Variants in CACNA2D3 observed in about 807,000 individuals in gnomAD.
CACNA2D3 encodes voltage-dependent calcium channel subunit alpha-2/delta-3.
A neutral mutation model predicts 160.6 loss-of-function variants in CACNA2D3; 60 were observed. The ratio of observed to expected loss-of-function variants is 0.37; its 90% confidence interval spans 0.30 to 0.46. The LOEUF (loss-of-function observed/expected upper bound fraction) is 0.46. Ranked by LOEUF, CACNA2D3 falls within the 20% of genes least tolerant of loss-of-function variation. The pLI is 1.00. For synonymous variants in CACNA2D3, 558 were observed against 492.9 expected, an observed-to-expected ratio of 1.13 and a Z score of -1.75; for missense variants, 1,205 against 1,365.0, an observed-to-expected ratio of 0.88 and a Z score of 1.85.
chr3:54,655,430 C>T (rs1032120503), intron 11 of CACNA2D3, among the ~76,000 whole-genome samples: 1 of 152,212 alleles, frequency 6.6e-6, no homozygotes, highest in Non-Finnish European at 1.5e-5. Flanking sequence ...AATTTTCAAC[C>T]ACTCGCATTG....
chr3:54,252,099 A>ATTTTTTTTTTTTTT (rs1575345395), intron 2 of CACNA2D3, among the ~76,000 whole-genome samples: 1 of 71,566 alleles, frequency 1.4e-5, no homozygotes, highest in African/African-American at 8.2e-5. Flanking sequence ...TTGCAGAGCT[A>ATTTTTTTTTTTTTT]GTTTTTTTTT....
chr3:54,476,172 T>C (rs1384499197), intron 4 of CACNA2D3, among the ~76,000 whole-genome samples: 1 of 149,764 alleles, frequency 6.7e-6, no homozygotes. Flanking sequence ...AATGGTAGCA[T>C]TTCCTTCTTT....
At chr3:54,834,893 A>T (rs1375944405) in intron 14 of CACNA2D3, among the ~76,000 whole-genome samples, 7 of 152,174 alleles carry the variant, frequency 4.6e-5, no homozygotes, top group Non-Finnish European at 1.0e-4. Context: ...TACAGGCAGA[A>T]TTCCTTCTTT....
chr3:54,290,794 C>T (rs1352168119), intron 2 of CACNA2D3, among the ~76,000 whole-genome samples: 1 of 151,956 alleles, frequency 6.6e-6, no homozygotes, highest in Non-Finnish European at 1.5e-5. Context: ...TCATTCTCAG[C>T]AAACTATCGC....
chr3:54,920,772 C>T (rs1406001496), intron 27 of CACNA2D3, among the ~76,000 whole-genome samples: 2 of 152,182 alleles, frequency 1.3e-5, no homozygotes, highest in African/African-American at 4.8e-5. Context: ...GCAAGACCAC[C>T]TGCCAGGGGG....
chr3:54,385,397 G>A (rs1182306326), intron 3 of CACNA2D3, among the ~76,000 whole-genome samples: 3 of 152,286 alleles, frequency 2.0e-5, no homozygotes, highest in East Asian at 1.9e-4. Context: ...GTTAGCATCC[G>A]GGCTAGAATG....
At chr3:54,255,995 A>C (rs992955071) in intron 2 of CACNA2D3, among the ~76,000 whole-genome samples, 7 of 152,230 alleles carry the variant, frequency 4.6e-5, no homozygotes, top group Non-Finnish European at 1.0e-4. Flanking sequence ...AATGAAAAAA[A>C]AAATGCAAAA....
At chr3:54,989,108 T>C (rs1042316018) in intron 31 of CACNA2D3, among the ~76,000 whole-genome samples, 4 of 152,234 alleles carry the variant, frequency 2.6e-5, no homozygotes, top group African/African-American at 9.6e-5. Context: ...TATCTTTATG[T>C]GGATGTGTGC....
intron 17 of CACNA2D3, among the ~76,000 whole-genome samples, chr3:54,868,708 G>C (rs760593453): frequency 5.5e-4 from 83 of 152,188 alleles, no homozygotes; most frequent in Non-Finnish European, 8.2e-4. Flanking sequence ...GTGATTGTCT[G>C]ACACCATCAT....
chr3:54,462,256 G>C (rs894927064), intron 4 of CACNA2D3, among the ~76,000 whole-genome samples: 2 of 152,192 alleles, frequency 1.3e-5, no homozygotes, highest in African/African-American at 4.8e-5. Flanking sequence ...ATATTCTGTT[G>C]ATTTGTGGTG....
At chr3:54,213,558 A>G (rs1577002786) in intron 2 of CACNA2D3, among the ~76,000 whole-genome samples, 1 of 152,156 alleles carries the variant, frequency 6.6e-6, no homozygotes, top group African/African-American at 2.4e-5. Flanking sequence ...TCACCTGAGG[A>G]GCATGCATTT....
chr3:54,993,130 A>G (rs924047613), intron 31 of CACNA2D3, among the ~76,000 whole-genome samples: 1 of 152,324 alleles, frequency 6.6e-6, no homozygotes, highest in Non-Finnish European at 1.5e-5. Flanking sequence ...ATTGGGGATT[A>G]TAGTTCAACA....
intron 18 of CACNA2D3, among the ~76,000 whole-genome samples, chr3:54,878,279 CCTT>C: frequency 6.6e-6 from 1 of 152,274 alleles, no homozygotes; most frequent in South Asian, 2.1e-4. Flanking sequence ...CATTAACTGG[CCTT>C]CTCTGTCGTC....
At chr3:54,451,527 G>A (rs1009829112) in intron 4 of CACNA2D3, among the ~76,000 whole-genome samples, 24 of 151,884 alleles carry the variant, frequency 1.6e-4, no homozygotes, top group Non-Finnish European at 1.0e-4. Flanking sequence ...TCTCTATTCC[G>A]GGCTTCTCTT....
intron 4 of CACNA2D3, among the ~76,000 whole-genome samples, chr3:54,465,456 C>T (rs575976335): frequency 3.3e-5 from 5 of 152,098 alleles, no homozygotes; most frequent in East Asian, 1.9e-4. Context: ...ATTATATGTA[C>T]GTAGGTGTAG....
rs1185989309 is a variant in CACNA2D3 at position 54,681,240 on chromosome 3, T to C, written c.1167+38999T>C. Among the ~76,000 whole-genome samples, 3 of 151,378 alleles carry C rather than the reference T, an allele frequency of 2.0e-5. No homozygotes were observed. The East Asian group carries it at 5.9e-4, about 30-fold the overall frequency. ...CATGGTATACTGTGTCATGTATGGA[T>C]AGAAAGAATAGTGAGACCAGGCACG... On this transcript the variant is annotated intron_variant, in intron 11 of 37. Transcript: ENST00000474759.
intron 4 of CACNA2D3, among the ~76,000 whole-genome samples, chr3:54,474,719 G>T (rs1438163041): frequency 6.6e-6 from 1 of 152,072 alleles, no homozygotes; most frequent in Admixed American, 6.6e-5. Flanking sequence ...ACAAACAGAA[G>T]AAGGAGGCTG....
intron 4 of CACNA2D3, among the ~76,000 whole-genome samples, chr3:54,400,956 C>G (rs962031754): frequency 3.3e-5 from 5 of 151,964 alleles, no homozygotes; most frequent in African/African-American, 9.7e-5. Context: ...TGTGAGGAAA[C>G]TCTGTGAGAT....
rs1700286414 is a variant in CACNA2D3, at chr3:54,899,880, A to G, written c.2449+12A>G. On this transcript the variant is annotated intron_variant, in intron 27 of 37. Coordinates refer to ENST00000474759, the MANE Select transcript of CACNA2D3 (RefSeq NM_018398.3). ...TCCTGTGGTGGCAGGTAAATAATTG[A>G]TTGAATCCATGAAGACAAAGTAAGC... 1 of 1,570,532 alleles carries G rather than the reference A, an allele frequency of 6.4e-7. No individual in the cohort carries two copies. The highest frequency in any genetic ancestry group is 2.3e-5 in the East Asian group (1 of 43,780).
Sources: gnomAD v4.1 joint callset for allele counts (sites outside exome capture counted in the v4.1 genomes callset) on GRCh38, gnomAD v4.1.1 for gene constraint, MANE v1.5 for transcripts, NCBI Gene and HGNC (gene_info 2026-07-23, HGNC 2026-07-21) for gene names.